The following ARAP2 variants were observed in gnomAD, a reference collection of about 807,000 sequenced individuals.
ARAP2 encodes ArfGAP with RhoGAP domain, ankyrin repeat and PH domain 2.
Under a neutral mutation model 194.5 loss-of-function variants are expected in ARAP2, and 148 were observed. The observed-to-expected ratio is 0.76, with a 90% CI of 0.67 to 0.87. The LOEUF is 0.87. Ranked by LOEUF, ARAP2 falls within the 40% of genes least tolerant of loss-of-function variation. ARAP2 has a pLI of 0.00. For missense variants in ARAP2, 2,128 were observed against 1,989.7 expected (o/e 1.07, Z -1.32); for synonymous variants, 695 against 683.5 (o/e 1.02, Z -0.26).
intron 1 of ARAP2, among the ~76,000 whole-genome samples, chr4:36,239,146 C>T (rs1396558436): frequency 6.6e-6 from 1 of 151,910 alleles, no homozygotes; most frequent in Non-Finnish European, 1.5e-5. Flanking sequence ...CATGGTGGCA[C>T]ACACCTGTAA....
At chr4:36,237,188 A>G (rs184410661) in intron 1 of ARAP2, among the ~76,000 whole-genome samples, 2 of 152,252 alleles carry the variant, frequency 1.3e-5, no homozygotes, top group Non-Finnish European at 2.9e-5. Context: ...GCAGGACTAC[A>G]GTACAGCTGA....
At chr4:36,196,723 G>C (rs906654914) in intron 6 of ARAP2, among the ~76,000 whole-genome samples, 5 of 151,866 alleles carry the variant, frequency 3.3e-5, no homozygotes, top group Admixed American at 2.6e-4. Context: ...TCCTACCATC[G>C]AAAGTTGGCT....
chr4:36,150,780 A>G, intron 16 of ARAP2, 120 bp downstream of exon 16: 1 of 1,120,006 alleles, frequency 8.9e-7, no homozygotes, highest in South Asian at 1.5e-5. Flanking sequence ...AAGCTTCAAA[A>G]ACCATTCAAC....
chr4:36,130,652 T>C (rs1473421335), intron 20 of ARAP2, among the ~76,000 whole-genome samples: 1 of 151,912 alleles, frequency 6.6e-6, no homozygotes, highest in Admixed American at 6.6e-5. Flanking sequence ...CACTGACTTG[T>C]AACTGCTCAT....
intron 19 of ARAP2, among the ~76,000 whole-genome samples, chr4:36,137,638 G>A (rs1479539614): frequency 1.3e-5 from 2 of 151,606 alleles, no homozygotes; most frequent in Non-Finnish European, 2.9e-5. Flanking sequence ...AAATATCTCT[G>A]CCAAGTTTTT....
At chr4:36,052,460 C>T (rs372188602) in intron 2 of ARAP2, among the ~76,000 whole-genome samples, 9 of 152,236 alleles carry the variant, frequency 5.9e-5, no homozygotes, top group African/African-American at 2.2e-4. Context: ...TAGCTACATA[C>T]GAAAAGGCAG....
At chr4:36,214,546 AATT>A (rs1220870854) in intron 2 of ARAP2, 66 bp from the exon 3 acceptor site, 5 of 1,038,344 alleles carry the variant, frequency 4.8e-6, no homozygotes, top group Admixed American at 5.3e-5. Flanking sequence ...GTAAAATTAA[AATT>A]ATTAGAAAAT....
chr4:36,212,458 G>A lies in ARAP2; in HGVS notation c.1071C>T (p.Thr357=), dbSNP rs748652657. ...KKRSIKNEFL[T]QGEALKGEAA... ...CTTCCCCTTTGAGTGCTTCTCCCTGGGTCAAAAATTCATTCTTTATAGATC... is the reference window on the plus strand; with the variant it reads ...CTTCCCCTTTGAGTGCTTCTCCCTGAGTCAAAAATTCATTCTTTATAGATC... Residue 357 remains threonine (T), a synonymous_variant, in exon 5 of 33, where the codon ACC becomes ACT. Transcript: ENST00000303965. 3 of 1,611,260 alleles carry A rather than the reference G, an allele frequency of 1.9e-6. No homozygotes were observed. The highest frequency in any genetic ancestry group is 2.5e-6 in the Non-Finnish European group (3 of 1,178,296).
chr4:36,030,732 G>A (rs901467761), intron 5 of ARAP2, among the ~76,000 whole-genome samples: 4 of 148,100 alleles, frequency 2.7e-5, no homozygotes, highest in African/African-American at 9.9e-5. Flanking sequence ...TAATTGCTAT[G>A]ACTACTTTGT....
At chr4:36,080,151 C>T in intron 31 of ARAP2, 65 bp downstream of exon 31, 2 of 1,341,536 alleles carry the variant, frequency 1.5e-6, no homozygotes, top group Non-Finnish European at 1.0e-6. Flanking sequence ...AAATCACCAT[C>T]ACACTAACAT....
At chr4:36,046,679 C>T in intron 4 of ARAP2, 1 of 152,190 alleles carries the variant, frequency 6.6e-6, no homozygotes, top group Non-Finnish European at 1.5e-5. Flanking sequence ...AACCAGAGCC[C>T]TGGCCTACAA....
At chr4:36,120,199 C>A (rs1344533549) in intron 23 of ARAP2, among the ~76,000 whole-genome samples, 1 of 151,454 alleles carries the variant, frequency 6.6e-6, no homozygotes, top group Non-Finnish European at 1.5e-5. Flanking sequence ...TTTATTTTCT[C>A]AGCATCAGAT....
chr4:36,238,968 C>T (rs1162843176), intron 1 of ARAP2, among the ~76,000 whole-genome samples: 1 of 152,086 alleles, frequency 6.6e-6, no homozygotes, highest in Non-Finnish European at 1.5e-5. Context: ...AACAAATGTG[C>T]TTGACGAGAA....
intron 21 of ARAP2, among the ~76,000 whole-genome samples, chr4:36,126,495 T>C (rs1723940309): frequency 6.6e-6 from 1 of 152,002 alleles, no homozygotes; most frequent in South Asian, 2.1e-4. Flanking sequence ...GTCATATAAA[T>C]ATAGGTGGTA....
At chr4:36,034,234 A>C (rs1454934185) in intron 5 of ARAP2, among the ~76,000 whole-genome samples, 2 of 152,144 alleles carry the variant, frequency 1.3e-5, no homozygotes, top group Non-Finnish European at 2.9e-5. Flanking sequence ...TTCTTTGGAC[A>C]GTATGGTCAT....
At chr4:36,226,816 CTGTT>C (rs1750423485) in intron 2 of ARAP2, among the ~76,000 whole-genome samples, 1 of 152,158 alleles carries the variant, frequency 6.6e-6, no homozygotes, top group Non-Finnish European at 1.5e-5. Context: ...TTAGCACAGA[CTGTT>C]TGAAACTTAA....
chr4:36,151,542 T>C (rs1350578627), intron 15 of ARAP2, among the ~76,000 whole-genome samples: 2 of 152,112 alleles, frequency 1.3e-5, no homozygotes, highest in Admixed American at 6.6e-5. Context: ...ACCTAAAATA[T>C]AGATTAGATC....
At chr4:36,079,534 G>A (rs1729033774) in intron 31 of ARAP2, among the ~76,000 whole-genome samples, 1 of 152,134 alleles carries the variant, frequency 6.6e-6, no homozygotes, top group Non-Finnish European at 1.5e-5. Context: ...GCTAGACAAG[G>A]TTGGGAAACA....
downstream of ARAP2, among the ~76,000 whole-genome samples, chr4:36,064,336 C>T (rs1725027472): frequency 6.6e-6 from 1 of 152,058 alleles, no homozygotes; most frequent in South Asian, 2.1e-4. Context: ...CCTACCACCT[C>T]CTATTCCCAG....
Sources: gnomAD v4.1 joint callset for allele counts (sites outside exome capture counted in the v4.1 genomes callset) on GRCh38, gnomAD v4.1.1 for gene constraint, MANE v1.5 for transcripts, NCBI Gene and HGNC (gene_info 2026-07-23, HGNC 2026-07-21) for gene names.